FYB1: variants seen among roughly 807,000 people sequenced by gnomAD.
FYB1 encodes FYN-binding protein 1.
In FYB1, 41 loss-of-function variants were observed where a neutral mutation model predicts 94.1. That is an observed-to-expected ratio of 0.44 (90% confidence interval 0.34 to 0.57). The LOEUF (loss-of-function observed/expected upper bound fraction) is 0.57. FYB1 is among the 20% of genes least tolerant of loss of function. The pLI is 0.02. For synonymous variants in FYB1, 367 were observed against 353.2 expected, an observed-to-expected ratio of 1.04 and a Z score of -0.44; for missense variants, 1,050 against 976.8, an observed-to-expected ratio of 1.07 and a Z score of -1.00.
intron 1 of FYB1, among the ~76,000 whole-genome samples, chr5:39,225,125 G>A (rs1346590197): frequency 6.6e-6 from 1 of 152,138 alleles, no homozygotes; most frequent in Non-Finnish European, 1.5e-5. Context: ...ATGCAGAAGA[G>A]TGGTCACTGA....
intron 3 of FYB1, among the ~76,000 whole-genome samples, chr5:39,142,781 G>A (rs1346574): frequency 6.6e-6 from 1 of 151,950 alleles, no homozygotes; most frequent in Non-Finnish European, 1.5e-5. Context: ...TTCCCTGAGA[G>A]TATTCTTAAA....
chr5:39,137,635 C>G lies in FYB1; in HGVS notation c.1480G>C (p.Glu494Gln). The part of the protein sequence containing the change: ...ELEKKEQKEK[E>Q]KKEQEIKKKF... Reference sequence around the variant, plus strand: ...TTCTTTATTTCTTGTTCTTTCTTTTCTTTCTCTTTCTGTTCCTTTTTCTCC... The same window carrying G: ...TTCTTTATTTCTTGTTCTTTCTTTTGTTTCTCTTTCTGTTCCTTTTTCTCC... Residue 494 changes from glutamate (E) to glutamine (Q), a missense_variant, in exon 7 of 19, where the codon GAA becomes CAA. By Grantham distance (29) the Glu-to-Gln change is conservative. Transcript: ENST00000512982. 6.5e-7 allele frequency: 1 copy of G among 1,536,128 alleles called. No individual in the cohort carries two copies. The highest frequency in any genetic ancestry group is 8.8e-7 in the Non-Finnish European group (1 of 1,134,276).
chr5:39,274,267 C>T (rs1236834920), intron 1 of FYB1: 1 of 152,154 alleles, frequency 6.6e-6, no homozygotes, highest in Non-Finnish European at 1.5e-5. Flanking sequence ...GTTATAAACT[C>T]CGATACATTT....
intron 2 of FYB1, among the ~76,000 whole-genome samples, chr5:39,193,695 A>C (rs1344430977): frequency 6.6e-6 from 1 of 152,212 alleles, no homozygotes; most frequent in African/African-American, 2.4e-5. Context: ...TCAGCATAAA[A>C]GTCCTAAATA....
intron 2 of FYB1, among the ~76,000 whole-genome samples, chr5:39,161,063 C>T (rs989147892): frequency 6.6e-6 from 1 of 152,218 alleles, no homozygotes; most frequent in Admixed American, 6.5e-5. Flanking sequence ...AGAGAGCTCT[C>T]TGTTTGTACG....
At chr5:39,147,009 A>G (rs1464180967) in intron 3 of FYB1, among the ~76,000 whole-genome samples, 3 of 152,180 alleles carry the variant, frequency 2.0e-5, no homozygotes, top group Non-Finnish European at 4.4e-5. Context: ...ACAGAGAGTA[A>G]GAGAAAAACA....
intron 9 of FYB1, among the ~76,000 whole-genome samples, chr5:39,130,863 G>A (rs1418902732): frequency 1.3e-5 from 2 of 152,080 alleles, no homozygotes; most frequent in South Asian, 2.1e-4. Context: ...AGAAAATGAT[G>A]ATATTGTTTG....
intron 1 of FYB1, among the ~76,000 whole-genome samples, chr5:39,255,473 AC>A (rs1304399987): frequency 4.1e-5 from 6 of 147,830 alleles, no homozygotes; most frequent in Non-Finnish European, 7.4e-5. Context: ...AGACTTCAGT[AC>A]CTTTTTTTAT....
chr5:39,242,941 T>C (rs1267204308), intron 1 of FYB1, among the ~76,000 whole-genome samples: 1 of 152,230 alleles, frequency 6.6e-6, no homozygotes, highest in Non-Finnish European at 1.5e-5. Flanking sequence ...ATATCTTCTT[T>C]TGAGAAGTGT....
chr5:39,147,697 C>CTTTTTT (rs548956747), intron 3 of FYB1, among the ~76,000 whole-genome samples: 20 of 125,424 alleles, frequency 1.6e-4, no homozygotes, highest in Admixed American at 4.0e-4. Flanking sequence ...TCCACCTTGT[C>CTTTTTT]TTTTTTTTTT....
intron 1 of FYB1, among the ~76,000 whole-genome samples, chr5:39,247,121 T>C (rs1411537023): frequency 1.4e-5 from 2 of 140,944 alleles, no homozygotes; most frequent in Non-Finnish European, 3.1e-5. Context: ...TATATGACTA[T>C]ATACCATTTG....
intron 2 of FYB1, among the ~76,000 whole-genome samples, chr5:39,155,210 C>T (rs989963541): frequency 1.3e-5 from 2 of 152,212 alleles, no homozygotes; most frequent in Non-Finnish European, 2.9e-5. Context: ...AGATATTTCT[C>T]CCTCTTGCCA....
chr5:39,134,265 G>A lies in FYB1; in HGVS notation c.1760C>T (p.Pro587Leu), dbSNP rs1369216145. ...ATATACTTCTTGGTCATCTTCAATAGGTCTTGAAGGGGCACCAAGAGAGTC... is the reference window on the plus strand; with the variant it reads ...ATATACTTCTTGGTCATCTTCAATAAGTCTTGAAGGGGCACCAAGAGAGTC... ...KKDSLGAPSR[P>L]IEDDQEVYDD... Residue 587 changes from proline to leucine, a missense_variant, in exon 9 of 19, where the codon CCT becomes CTT. Transcript: ENST00000512982. 2 of 1,607,660 alleles carry A rather than the reference G, an allele frequency of 1.2e-6. No homozygotes were observed. Among genetic ancestry groups the A allele is most frequent in the Non-Finnish European group, 1.7e-6 (2 of 1,174,376 alleles).
chr5:39,229,920 T>A (rs1750647400), intron 1 of FYB1, among the ~76,000 whole-genome samples: 1 of 152,142 alleles, frequency 6.6e-6, no homozygotes, highest in Non-Finnish European at 1.5e-5. Context: ...TTCAATTAAA[T>A]CACAGTACTT....
At chr5:39,270,481 G>T in intron 1 of FYB1, 1 of 1,292,114 alleles carries the variant, frequency 7.7e-7, no homozygotes, top group Non-Finnish European at 1.1e-6. Context: ...ACCTGACTGT[G>T]AAGCACCCTC....
rs1002614054 is a variant in FYB1, at chr5:39,211,769, G to A, written c.-28+7674C>T. Among the ~76,000 whole-genome samples the A allele has an allele frequency of 9.2e-5, 14 of 152,074 alleles. 1 individual carries two copies. Among genetic ancestry groups the A allele is most frequent in the African/African-American group, 3.4e-4 (14 of 41,382 alleles). ...TGCTTTATTTTTTCCCTCAGCCTTCGTGTCACTCCCAACAAACACGAAAAC... is the reference window on the plus strand; with the variant it reads ...TGCTTTATTTTTTCCCTCAGCCTTCATGTCACTCCCAACAAACACGAAAAC... On this transcript the variant is annotated intron_variant, in intron 1 of 18. Transcript: ENST00000512982.
chr5:39,112,321 C>G (rs1002087485), intron 16 of FYB1, among the ~76,000 whole-genome samples: 7 of 151,830 alleles, frequency 4.6e-5, no homozygotes, highest in African/African-American at 9.7e-5. Flanking sequence ...AACACAATAG[C>G]AAATGTTCCC....
chr5:39,225,656 T>C (rs1410076581), intron 1 of FYB1, among the ~76,000 whole-genome samples: 2 of 152,202 alleles, frequency 1.3e-5, no homozygotes, highest in African/African-American at 4.8e-5. Flanking sequence ...ACTTTAACCA[T>C]TATAAAGTGC....
intron 7 of FYB1, 46 bp from the exon 8 acceptor site, chr5:39,135,060 G>A: frequency 1.1e-5 from 18 of 1,594,324 alleles, no homozygotes; most frequent in Non-Finnish European, 1.5e-5. Flanking sequence ...TTATAATTTA[G>A]AAAATCTTTA....
Sources: gnomAD v4.1 joint callset for allele counts (sites outside exome capture counted in the v4.1 genomes callset) on GRCh38, gnomAD v4.1.1 for gene constraint, MANE v1.5 for transcripts, NCBI Gene and HGNC (gene_info 2026-07-23, HGNC 2026-07-21) for gene names.